Variants in SREK1IP1 observed in about 807,000 individuals in gnomAD.
SREK1IP1 encodes the protein SREK1 interacting protein 1.
SREK1IP1 carries 12 observed loss-of-function variants against 22.8 expected under a neutral mutation model. That is an observed-to-expected ratio of 0.53 (90% CI 0.34 to 0.85). The LOEUF is 0.85. Ranked by LOEUF, SREK1IP1 falls within the 40% of genes least tolerant of loss-of-function variation. The pLI is 0.02. For missense variants in SREK1IP1, 147 were observed against 171.8 expected (o/e 0.86, Z 0.81); for synonymous variants, 53 against 52.7 (o/e 1.01, Z -0.02).
chr5:64,742,445 G>T (rs1030966027), intron 2 of SREK1IP1, among the ~76,000 whole-genome samples: 9 of 152,032 alleles, frequency 5.9e-5, no homozygotes, highest in African/African-American at 1.9e-4. Flanking sequence ...TGAAACAAAA[G>T]TTAATTGAAA....
At chr5:64,742,777 T>A (rs1337977413) in intron 2 of SREK1IP1, among the ~76,000 whole-genome samples, 1 of 152,210 alleles carries the variant, frequency 6.6e-6, no homozygotes, top group Non-Finnish European at 1.5e-5. Flanking sequence ...CCTTTGGTTG[T>A]TGGCCTTTGA....
In SREK1IP1 at chr5:64,721,813, A is replaced by G. The variant is rs1286569559; in HGVS notation, c.*2571T>C. ...TCAACCTTTACTATTATAGAATGTTATAATAATTTCTAAAGTGAATATTGC... is the reference window on the plus strand; with the variant it reads ...TCAACCTTTACTATTATAGAATGTTGTAATAATTTCTAAAGTGAATATTGC... On this transcript the variant is annotated 3_prime_UTR_variant, in exon 5 of 5. Coordinates refer to ENST00000513458, the MANE Select transcript of SREK1IP1 (RefSeq NM_173829.4). The G allele has an allele frequency of 6.6e-6, 1 of 152,164 alleles. No homozygotes were observed. Among genetic ancestry groups the G allele is most frequent in the Non-Finnish European group, 1.5e-5 (1 of 68,030 alleles). The allele number at this position is 152,164 out of a possible 1,614,324, so 9.4% of individuals were successfully genotyped here.
At chr5:64,728,740 A>G (rs1036441805) in intron 3 of SREK1IP1, among the ~76,000 whole-genome samples, 15 of 152,102 alleles carry the variant, frequency 9.9e-5, no homozygotes, top group Admixed American at 9.2e-4. Flanking sequence ...AACATAGCAG[A>G]TATTTATCTT....
At chr5:64,766,879 T>C (rs1046847440) in intron 1 of SREK1IP1, among the ~76,000 whole-genome samples, 1 of 152,246 alleles carries the variant, frequency 6.6e-6, no homozygotes, top group Non-Finnish European at 1.5e-5. Flanking sequence ...ATGTTTGATA[T>C]AGTATCTGAC....
chr5:64,737,923 C>T (rs909350062), intron 3 of SREK1IP1, among the ~76,000 whole-genome samples: 17 of 152,230 alleles, frequency 1.1e-4, no homozygotes, highest in African/African-American at 4.1e-4. Context: ...AGTAAAGACA[C>T]TGGGTCAGTA....
At chr5:64,727,553 A>ATATATATATATATATATTTTTTTTTT in intron 4 of SREK1IP1, 1 of 84,682 alleles carries the variant, frequency 1.2e-5, no homozygotes, top group African/African-American at 5.5e-5. Flanking sequence ...ATATATATAT[A>ATATATATATATATATATTTTTTTTTT]TTTTTTTTTT....
intron 2 of SREK1IP1, among the ~76,000 whole-genome samples, chr5:64,741,953 A>G (rs1580545723): frequency 6.6e-6 from 1 of 151,028 alleles, no homozygotes; most frequent in East Asian, 1.9e-4. Flanking sequence ...GAGAGCTTGT[A>G]TCAACTTTTG....
chr5:64,738,357 T>G lies in SREK1IP1; in HGVS notation c.205+2700A>C, dbSNP rs559399584. On this transcript the variant is annotated intron_variant, in intron 3 of 4. Coordinates refer to ENST00000513458, the MANE Select transcript of SREK1IP1 (RefSeq NM_173829.4). Reference sequence around the variant, plus strand: ...TTTCAATAGATGCAGAAAGAGCATTTGACAATATATGTGCTCATGGATTGA... The same window carrying G: ...TTTCAATAGATGCAGAAAGAGCATTGGACAATATATGTGCTCATGGATTGA... 2.0e-5 allele frequency among the ~76,000 whole-genome samples: 3 copies of G among 152,304 alleles called. No homozygotes were observed. In the South Asian group the frequency reaches 6.2e-4, roughly 32 times the overall value.
chr5:64,754,627 C>T, intron 1 of SREK1IP1: 2 of 333,222 alleles, frequency 6.0e-6, no homozygotes, highest in Admixed American at 8.0e-5. Context: ...CCACACCTGG[C>T]TAACTTTTAA....
intron 4 of SREK1IP1, among the ~76,000 whole-genome samples, chr5:64,725,043 A>G (rs2112083913): frequency 6.6e-6 from 1 of 152,346 alleles, no homozygotes; most frequent in Non-Finnish European, 1.5e-5. Flanking sequence ...GAAAGTTAGC[A>G]AAATAAAAGC....
At chr5:64,738,769 T>C (rs552152040) in intron 3 of SREK1IP1, among the ~76,000 whole-genome samples, 1 of 152,116 alleles carries the variant, frequency 6.6e-6, no homozygotes, top group African/African-American at 2.4e-5. Flanking sequence ...CAAGTGTATA[T>C]CCACATACAA....
intron 3 of SREK1IP1, 87 bp downstream of exon 3, chr5:64,740,970 G>C (rs1742541439): frequency 8.2e-7 from 1 of 1,225,310 alleles, no homozygotes; most frequent in Non-Finnish European, 1.2e-6. Context: ...CTATAAAAGA[G>C]ATCTTAGTAA....
At chr5:64,741,838 C>T (rs1483953251) in intron 2 of SREK1IP1, among the ~76,000 whole-genome samples, 3 of 151,962 alleles carry the variant, frequency 2.0e-5, no homozygotes, top group Non-Finnish European at 4.4e-5. Context: ...ATAACCAATA[C>T]CTAAATACCT....
chr5:64,757,541 C>A (rs1742863999), intron 1 of SREK1IP1, among the ~76,000 whole-genome samples: 1 of 152,184 alleles, frequency 6.6e-6, no homozygotes, highest in Admixed American at 6.5e-5. Context: ...AAATGCAGAA[C>A]ATTGCATCCA....
At chr5:64,760,510 A>G (rs1019193722) in intron 1 of SREK1IP1, among the ~76,000 whole-genome samples, 1 of 152,336 alleles carries the variant, frequency 6.6e-6, no homozygotes. Context: ...CTTCAGGTGC[A>G]CTAGGATAGA....
At chr5:64,749,059 C>CATAATAATAATA (rs58434271) in intron 2 of SREK1IP1, among the ~76,000 whole-genome samples, 8 of 131,636 alleles carry the variant, frequency 6.1e-5, no homozygotes, top group South Asian at 4.9e-4. Context: ...AGCTATGCCA[C>CATAATAATAATA]ATAATAATAA....
At chr5:64,739,757 T>C (rs1161609651) in intron 3 of SREK1IP1, among the ~76,000 whole-genome samples, 1 of 152,094 alleles carries the variant, frequency 6.6e-6, no homozygotes, top group Non-Finnish European at 1.5e-5. Flanking sequence ...GTCTTTACCC[T>C]GAAGCTGTAT....
chr5:64,752,213 G>GC (rs1742758314), intron 2 of SREK1IP1, among the ~76,000 whole-genome samples: 1 of 142,256 alleles, frequency 7.0e-6, no homozygotes, highest in Non-Finnish European at 1.5e-5. Context: ...GTGCAGTGGC[G>GC]CAATCTCGGC....
At chr5:64,764,611 C>T (rs1360578341) in intron 1 of SREK1IP1, among the ~76,000 whole-genome samples, 1 of 152,112 alleles carries the variant, frequency 6.6e-6, no homozygotes. Context: ...ATTTTTAACA[C>T]TTTAGAAGCT....
Sources: gnomAD v4.1 joint callset for allele counts (sites outside exome capture counted in the v4.1 genomes callset) on GRCh38, gnomAD v4.1.1 for gene constraint, MANE v1.5 for transcripts, NCBI Gene and HGNC (gene_info 2026-07-23, HGNC 2026-07-21) for gene names.